Variants in AGBL4 observed in about 807,000 individuals in gnomAD.
AGBL4 encodes the protein AGBL carboxypeptidase 4, also known as cytosolic carboxypeptidase 6.
Under a neutral mutation model 66.4 loss-of-function variants are expected in AGBL4, and 58 were observed. That is an observed-to-expected ratio of 0.87 (90% confidence interval 0.71 to 1.09). The LOEUF is 1.09. Among genes scored for constraint, AGBL4 ranks in the 50% least tolerant of loss-of-function variants. AGBL4 has a pLI of 0.00. For missense variants in AGBL4, 579 were observed against 631.0 expected (o/e 0.92, Z 0.88); for synonymous variants, 234 against 222.9 (o/e 1.05, Z -0.44).
chr1:49,459,381 T>C (rs1646461460), intron 3 of AGBL4, among the ~76,000 whole-genome samples: 1 of 151,814 alleles, frequency 6.6e-6, no homozygotes. Context: ...GGTTTTCTAG[T>C]TTATGTGCAT....
rs148834559 is a variant in AGBL4 at position 49,346,392 on chromosome 1, A to C, written c.283-100528T>G. 2.8e-3 allele frequency among the ~76,000 whole-genome samples: 432 copies of C among 152,320 alleles called. 1 individual carries two copies. Among genetic ancestry groups the C allele is most frequent in the South Asian group, 8.7e-3 (42 of 4,832 alleles). On this transcript the variant is annotated intron_variant, in intron 3 of 13. Transcript: ENST00000371839. ...ATCAGTATTGTAATTCTGGATACAT[A>C]CTGGAATTGCCTGGTGATCCCACGT...
chr1:49,055,050 A>G (rs912477911), intron 4 of AGBL4, among the ~76,000 whole-genome samples: 7 of 152,046 alleles, frequency 4.6e-5, no homozygotes, highest in Admixed American at 2.6e-4. Context: ...GCACAAATTA[A>G]ATGGTGAAAG....
At chr1:49,376,577 G>C (rs1644476317) in intron 3 of AGBL4, among the ~76,000 whole-genome samples, 1 of 152,000 alleles carries the variant, frequency 6.6e-6, no homozygotes, top group Admixed American at 6.6e-5. Flanking sequence ...CTTCATCCCT[G>C]ATGATTCTCT....
chr1:49,589,459 A>G (rs1297676171), intron 3 of AGBL4, among the ~76,000 whole-genome samples: 1 of 152,262 alleles, frequency 6.6e-6, no homozygotes, highest in East Asian at 1.9e-4. Context: ...CATAATTGAT[A>G]AAACCCTAAA....
At chr1:48,885,898 C>T (rs557776089) in intron 5 of AGBL4, among the ~76,000 whole-genome samples, 1 of 152,332 alleles carries the variant, frequency 6.6e-6, no homozygotes, top group East Asian at 1.9e-4. Context: ...CTGTAGATGG[C>T]AACCCCAAAT....
intron 2 of AGBL4, chr1:49,845,511 T>G: frequency 1.3e-6 from 2 of 1,578,632 alleles, no homozygotes; most frequent in Admixed American, 3.4e-5. Flanking sequence ...GTGGTGAGTG[T>G]GGCAAGGCCT....
At chr1:48,672,412 TA>T (rs1315872940) in intron 6 of AGBL4, among the ~76,000 whole-genome samples, 3 of 152,156 alleles carry the variant, frequency 2.0e-5, no homozygotes, top group Non-Finnish European at 4.4e-5. Context: ...TAAAAGTCAG[TA>T]AAGGCTGGAT....
intron 3 of AGBL4, chr1:49,527,473 G>A (rs926126189): frequency 6.6e-6 from 1 of 152,588 alleles, no homozygotes; most frequent in Non-Finnish European, 1.5e-5. Flanking sequence ...GCTTTTATTA[G>A]ATGCTGGGTC....
chr1:48,894,334 A>G (rs1267984945), intron 5 of AGBL4, among the ~76,000 whole-genome samples: 1 of 152,138 alleles, frequency 6.6e-6, no homozygotes, highest in African/African-American at 2.4e-5. Flanking sequence ...AAAAACTGAT[A>G]CTCAGGTTAA....
intron 3 of AGBL4, among the ~76,000 whole-genome samples, chr1:49,666,510 G>A (rs1646372133): frequency 6.6e-6 from 1 of 151,902 alleles, no homozygotes; most frequent in Admixed American, 6.6e-5. Context: ...AGGTTGCAGT[G>A]AGCAGAGATT....
At chr1:49,662,884 G>C (rs1038748491) in intron 3 of AGBL4, among the ~76,000 whole-genome samples, 3 of 152,056 alleles carry the variant, frequency 2.0e-5, no homozygotes, top group African/African-American at 7.2e-5. Flanking sequence ...ATCAAGAAAA[G>C]AACCGTGCAC....
chr1:48,962,591 G>A (rs1210506881), intron 5 of AGBL4, among the ~76,000 whole-genome samples: 2 of 152,138 alleles, frequency 1.3e-5, no homozygotes, highest in East Asian at 3.9e-4. Flanking sequence ...TGGGACCTGG[G>A]GTCCTGCCAT....
chr1:48,982,507 C>T (rs930863613), intron 5 of AGBL4, among the ~76,000 whole-genome samples: 7 of 152,040 alleles, frequency 4.6e-5, no homozygotes, highest in African/African-American at 1.7e-4. Flanking sequence ...TCATCCATGT[C>T]CCTACAAAGG....
intron 3 of AGBL4, among the ~76,000 whole-genome samples, chr1:49,382,701 C>T (rs1376715876): frequency 6.6e-6 from 1 of 152,046 alleles, no homozygotes; most frequent in African/African-American, 2.4e-5. Context: ...AGGCATCCAA[C>T]TTGTAAAGGA....
intron 3 of AGBL4, among the ~76,000 whole-genome samples, chr1:49,443,745 T>A (rs1419703957): frequency 6.6e-6 from 1 of 151,156 alleles, no homozygotes; most frequent in African/African-American, 2.4e-5. Flanking sequence ...TGTATTGTTT[T>A]AAGACTCCAT....
rs34668690 is a variant in AGBL4 at position 48,899,188 on chromosome 1, G to C, written c.595-31958C>G. Among the ~76,000 whole-genome samples, 711 of 152,340 alleles carry C rather than the reference G, an allele frequency of 4.7e-3. 2 individuals are homozygous for C. The highest frequency in any genetic ancestry group is 0.014 in the Middle Eastern group (4 of 292). On this transcript the variant is annotated intron_variant, in intron 5 of 13. Coordinates refer to ENST00000371839, the MANE Select transcript of AGBL4 (RefSeq NM_032785.4). ...CCCGAGTGACGCCTGGCGTGTAGCC[G>C]TGGGCAGGCGGCTCAGTGCCGCGGG...
chr1:48,645,366 CAAG>C (rs546770300), intron 8 of AGBL4, among the ~76,000 whole-genome samples: 30 of 152,226 alleles, frequency 2.0e-4, no homozygotes, highest in African/African-American at 6.7e-4. Flanking sequence ...TTCTTTGCTT[CAAG>C]AAGGAGAGTG....
chr1:49,759,873 G>A (rs539388802), intron 2 of AGBL4, among the ~76,000 whole-genome samples: 3 of 152,246 alleles, frequency 2.0e-5, no homozygotes, highest in African/African-American at 7.2e-5. Flanking sequence ...TTCTCATATT[G>A]TATTCCATTT....
chr1:49,913,981 C>T (rs1004203118), intron 1 of AGBL4, among the ~76,000 whole-genome samples: 1 of 152,336 alleles, frequency 6.6e-6, no homozygotes, highest in African/African-American at 2.4e-5. Context: ...ATGGAAGGAG[C>T]ATCCTTAAGG....
Sources: allele counts gnomAD v4.1 joint callset (sites outside exome capture counted in the v4.1 genomes callset), GRCh38; gene constraint gnomAD v4.1.1; transcripts MANE v1.5; gene names NCBI Gene and HGNC (gene_info 2026-07-23, HGNC 2026-07-21).